The following FGF4 variants were observed in gnomAD, a reference collection of about 807,000 sequenced individuals.
FGF4 encodes the protein fibroblast growth factor 4, also known as heparin secretory transforming protein 1.
In FGF4, 9 loss-of-function variants were observed where a neutral mutation model predicts 15.7. The ratio of observed to expected loss-of-function variants is 0.57; its 90% CI spans 0.35 to 1.00. FGF4 has a LOEUF of 1.00. Among genes scored for constraint, FGF4 ranks in the 50% least tolerant of loss-of-function variants. The probability of loss-of-function intolerance (pLI) is 0.02; values close to 1 mark genes in which losing one functional copy is unlikely to be tolerated. For synonymous variants in FGF4, 164 were observed against 144.8 expected, an observed-to-expected ratio of 1.13 and a Z score of -0.95; for missense variants, 286 against 297.3, an observed-to-expected ratio of 0.96 and a Z score of 0.28.
In FGF4 at chr11:69,774,958, G is replaced by A; in HGVS notation, c.127C>T (p.Leu43=). The change falls in exon 1 of 3, where the codon CTG becomes TTG. Residue 43 remains leucine, a synonymous_variant. Coordinates refer to ENST00000168712, the MANE Select transcript of FGF4 (RefSeq NM_002007.4). ...TAPNGTLEAE[L]ERRWESLVAL... is the part of the protein sequence containing the mutation. ...ACCAGGCTCTCCCAGCGGCGCTCCA[G>A]CTCGGCCTCCAGCGTGCCGTTGGGT... is the stretch of plus-strand genomic sequence containing the variant. The A allele has an allele frequency of 6.8e-7, 1 of 1,476,264 alleles. No individual in the cohort carries two copies. Among genetic ancestry groups the A allele is most frequent in the Non-Finnish European group, 8.9e-7 (1 of 1,121,364 alleles). The allele number at this position is 1,476,264 out of a possible 1,614,324, so 91.4% of individuals were successfully genotyped here.
Position 69,771,660 on chromosome 11 carries a change from AG to A in FGF4, c.*1648del, listed in dbSNP as rs1855570125. 6.6e-6 allele frequency: 1 copy of A among 152,232 alleles called. No homozygotes were observed. The highest frequency in any genetic ancestry group is 1.5e-5 in the Non-Finnish European group (1 of 68,040). 9.4% of individuals were successfully genotyped at this position (152,232 alleles called of 1,614,324 possible). On this transcript the variant is annotated 3_prime_UTR_variant, in exon 3 of 3. Coordinates refer to ENST00000168712, the MANE Select transcript of FGF4 (RefSeq NM_002007.4). ...TTTCTTCCAGGCCTTGGTTAAGAAT[AG>A]TATTTTAAGTCGATGATTTGCATTC...
chr11:69,775,200 C>A lies in FGF4; in HGVS notation c.-116G>T. Reference sequence around the variant, plus strand: ...ACGGCCGACCTCGGGCAGGAGTGCGCAACCGAGGAGGTGCGGGAGGCAAGC... The same window carrying A: ...ACGGCCGACCTCGGGCAGGAGTGCGAAACCGAGGAGGTGCGGGAGGCAAGC... On this transcript the variant is annotated 5_prime_UTR_variant, in exon 1 of 3. Transcript: ENST00000168712. The A allele has an allele frequency of 1.5e-6, 1 of 667,078 alleles. No individual in the cohort carries two copies. Among genetic ancestry groups the A allele is most frequent in the Non-Finnish European group, 2.1e-6 (1 of 472,018 alleles). 41.3% of individuals were successfully genotyped at this position (667,078 alleles called of 1,614,324 possible). A position where few individuals can be genotyped will look rare whatever the true frequency, so the allele number is the denominator to read the frequency against.
chr11:69,775,019 G>A lies in FGF4; in HGVS notation c.66C>T (p.Pro22=), dbSNP rs1256482474. The A allele has an allele frequency of 2.1e-6, 3 of 1,439,800 alleles. No homozygotes were observed. In the Admixed American group the frequency reaches 8.2e-5, roughly 39 times the overall value. 89.2% of individuals were successfully genotyped at this position (1,439,800 alleles called of 1,614,324 possible). A position where few individuals can be genotyped will look rare whatever the true frequency, so the allele number is the denominator to read the frequency against. The change falls in exon 1 of 3, where the codon CCC becomes CCT. Residue 22 remains proline, a synonymous_variant. Transcript: ENST00000168712. Reference sequence around the variant, plus strand: ...CGGCGGCGCCCCCTCGGCCCGCCCAGGGCGCCAGCAAGGCCAGCAGGACCG... The same window carrying A: ...CGGCGGCGCCCCCTCGGCCCGCCCAAGGCGCCAGCAAGGCCAGCAGGACCG... ...LPAVLLALLA[P]WAGRGGAAAP... is the part of the protein sequence containing the mutation.
rs1855628556 is a variant in FGF4, at chr11:69,775,241, C to CGCCGGGCTCTACCCCGGCT, written c.-176_-158dup. ...GGAGGCAAGCGACGGGGCCCCCGGG[C>CGCCGGGCTCTACCCCGGCT]GCCGGGCTCTACCCCGGCTGCATGG... On this transcript the variant is annotated 5_prime_UTR_variant, in exon 1 of 3. Coordinates refer to ENST00000168712, the MANE Select transcript of FGF4 (RefSeq NM_002007.4). 1 of 452,674 alleles carries CGCCGGGCTCTACCCCGGCT rather than the reference C, an allele frequency of 2.2e-6. No individual in the cohort carries two copies. Among genetic ancestry groups the CGCCGGGCTCTACCCCGGCT allele is most frequent in the African/African-American group, 2.0e-5 (1 of 49,194 alleles). 28.0% of individuals were successfully genotyped at this position (452,674 alleles called of 1,614,324 possible).
rs1855571249 is a variant in FGF4 at position 69,771,756 on chromosome 11, T to C, written c.*1553A>G. On this transcript the variant is annotated 3_prime_UTR_variant, in exon 3 of 3. Transcript: ENST00000168712. ...TCAGATTTTCCAGTCTTGCTGTCTG[T>C]AGACTCCCATAAAGTTAATTCGGGA... The C allele has an allele frequency of 6.6e-6, 1 of 152,218 alleles. No individual in the cohort carries two copies. The highest frequency in any genetic ancestry group is 1.5e-5 in the Non-Finnish European group (1 of 68,046). The allele number at this position is 152,218 out of a possible 1,614,324, so 9.4% of individuals were successfully genotyped here.
Position 69,774,773 on chromosome 11 carries a change from G to A in FGF4, c.312C>T (p.Ile104=). 1 of 1,511,196 alleles carries A rather than the reference G, an allele frequency of 6.6e-7. No individual in the cohort carries two copies. The highest frequency in any genetic ancestry group is 8.8e-7 in the Non-Finnish European group (1 of 1,140,302). 93.6% of individuals were successfully genotyped at this position (1,511,196 alleles called of 1,614,324 possible). Residue 104 remains isoleucine (I), a synonymous_variant, in exon 1 of 3, where the codon ATC becomes ATT. Coordinates refer to ENST00000168712, the MANE Select transcript of FGF4 (RefSeq NM_002007.4). ...FHLQALPDGR[I]GGAHADTRDS... ...CGCGGGTGTCCGCGTGCGCGCCGCCGATGCGGCCGTCGGGGAGCGCCTGGA... is the reference window on the plus strand; with the variant it reads ...CGCGGGTGTCCGCGTGCGCGCCGCCAATGCGGCCGTCGGGGAGCGCCTGGA...
chr11:69,774,461 C>T (rs576710722), intron 1 of FGF4, among the ~76,000 whole-genome samples: 2 of 152,316 alleles, frequency 1.3e-5, no homozygotes, highest in Non-Finnish European at 2.9e-5. Flanking sequence ...GGCTGCACCG[C>T]GCGCCCTGTG....
chr11:69,773,658 C>A (rs982623064), intron 2 of FGF4, among the ~76,000 whole-genome samples, 173 bp from the exon 3 acceptor site: 3 of 151,760 alleles, frequency 2.0e-5, no homozygotes, highest in African/African-American at 7.2e-5. Context: ...ACATGGCCAG[C>A]CCACAACAGC....
chr11:69,772,840 C>T lies in FGF4; in HGVS notation c.*469G>A, dbSNP rs917466902. ...TGTCCCGATTAATAGCAACAGGGCA[C>T]AAAGGGAGTGGGCCTCTGAGGATGC... On this transcript the variant is annotated 3_prime_UTR_variant, in exon 3 of 3. Transcript: ENST00000168712. 1 of 186,518 alleles carries T rather than the reference C, an allele frequency of 5.4e-6. No homozygotes were observed. Among genetic ancestry groups the T allele is most frequent in the South Asian group, 1.7e-4 (1 of 5,912 alleles). The allele number at this position is 186,518 out of a possible 1,614,324, so 11.6% of individuals were successfully genotyped here.
At position 69,771,181 on chromosome 11, in the gene FGF4, TAC is replaced by T. The variant is rs1565102955; in HGVS notation, c.*2126_*2127del. ...ACGAGGGTCGGCACCTGTATAAAAC[TAC>T]AGATTCTGAAAACAGTGGCACATAC... On this transcript the variant is annotated 3_prime_UTR_variant, in exon 3 of 3. Transcript: ENST00000168712. The T allele has an allele frequency of 6.6e-6, 1 of 152,204 alleles. No individual in the cohort carries two copies. The allele number at this position is 152,204 out of a possible 1,614,324, so 9.4% of individuals were successfully genotyped here. A position where few individuals can be genotyped will look rare whatever the true frequency, so the allele number is the denominator to read the frequency against.
In FGF4 at chr11:69,773,107, T is replaced by G; in HGVS notation, c.*202A>C. 1 of 479,108 alleles carries G rather than the reference T, an allele frequency of 2.1e-6. No individual in the cohort carries two copies. The highest frequency in any genetic ancestry group is 3.2e-5 in the East Asian group (1 of 31,612). The allele number at this position is 479,108 out of a possible 1,614,324, so 29.7% of individuals were successfully genotyped here. A position where few individuals can be genotyped will look rare whatever the true frequency, so the allele number is the denominator to read the frequency against. On this transcript the variant is annotated 3_prime_UTR_variant, in exon 3 of 3. Transcript: ENST00000168712. ...AGAGTTGGTTTTTTGTTTTGTCTTT[T>G]TTTCCCCCCAGAAAATTAAAAAACA...
intron 2 of FGF4, 28 bp from the exon 3 acceptor site, chr11:69,773,513 C>T: frequency 1.2e-6 from 2 of 1,612,840 alleles, no homozygotes; most frequent in East Asian, 2.2e-5. Context: ...AGTGTCAGGG[C>T]TGGGGCACCT....
intron 2 of FGF4, 91 bp from the exon 3 acceptor site, chr11:69,773,576 A>T: frequency 9.2e-7 from 1 of 1,086,932 alleles, no homozygotes; most frequent in Non-Finnish European, 1.4e-6. Context: ...CTTCTGTCCC[A>T]CCCCCCACCC....
In FGF4 at chr11:69,773,199, T is replaced by G; in HGVS notation, c.*110A>C. On this transcript the variant is annotated 3_prime_UTR_variant, in exon 3 of 3. Coordinates refer to ENST00000168712, the MANE Select transcript of FGF4 (RefSeq NM_002007.4). ...ATTTAAATAATTAATTTAAATATCTTACACCTACTCTTGCATTAAACTCTT... is the reference window on the plus strand; with the variant it reads ...ATTTAAATAATTAATTTAAATATCTGACACCTACTCTTGCATTAAACTCTT... The G allele has an allele frequency of 1.3e-6, 1 of 759,320 alleles. No individual in the cohort carries two copies. Among genetic ancestry groups the G allele is most frequent in the East Asian group, 2.7e-5 (1 of 37,608 alleles). 47.0% of individuals were successfully genotyped at this position (759,320 alleles called of 1,614,324 possible).
Position 69,774,045 on chromosome 11 carries a change from G to C in FGF4, c.423C>G (p.Ser141Arg). 6.2e-7 allele frequency: 1 copy of C among 1,613,102 alleles called. No individual in the cohort carries two copies. Among genetic ancestry groups the C allele is most frequent in the Non-Finnish European group, 8.5e-7 (1 of 1,179,886 alleles). Residue 141 changes from serine to arginine, a missense_variant, in exon 2 of 3, where the codon AGC becomes AGG. Physicochemically the swap from Ser to Arg is moderately radical, Grantham distance 110. Coordinates refer to ENST00000168712, the MANE Select transcript of FGF4 (RefSeq NM_002007.4). ...VASRFFVAMS[S>R]KGKLYGSPFF... ...TCACCGAGCCATAGAGCTTGCCCTT[G>C]CTGCTCATGGCCACGAAGAACCGGC...
In FGF4 at chr11:69,772,984, CT is replaced by C. The variant is rs575981447; in HGVS notation, c.*324del. ...GGATGACATCGGAATCCAATGTCAC[CT>C]TTTTTTAAAACACAGAATAGCAGCA... is the stretch of plus-strand genomic sequence containing the variant. On this transcript the variant is annotated 3_prime_UTR_variant, in exon 3 of 3. Transcript: ENST00000168712. 1.7e-5 allele frequency: 5 copies of C among 289,534 alleles called. No homozygotes were observed. Among genetic ancestry groups the C allele is most frequent in the East Asian group, 1.1e-4 (2 of 18,050 alleles). The allele number at this position is 289,534 out of a possible 1,614,324, so 17.9% of individuals were successfully genotyped here.
rs576587879 is a variant in FGF4, at chr11:69,773,135, C to A, written c.*174G>T. On this transcript the variant is annotated 3_prime_UTR_variant, in exon 3 of 3. Coordinates refer to ENST00000168712, the MANE Select transcript of FGF4 (RefSeq NM_002007.4). ...TCCCCCCAGAAAATTAAAAAACACA[C>A]CCGCAGAACTATAAATAATTTGGTG... 21 of 530,920 alleles carry A rather than the reference C, an allele frequency of 4.0e-5. No individual in the cohort carries two copies. The South Asian group carries it at 7.6e-4, about 19-fold the overall frequency. 32.9% of individuals were successfully genotyped at this position (530,920 alleles called of 1,614,324 possible).
chr11:69,773,910 G>A, intron 2 of FGF4, 114 bp downstream of exon 2: 1 of 804,418 alleles, frequency 1.2e-6, no homozygotes, highest in South Asian at 1.8e-5. Context: ...GTGACCTGGT[G>A]ACCCTGCCAC....
Position 69,772,844 on chromosome 11 carries a change from G to C in FGF4, c.*465C>G. ...CCGATTAATAGCAACAGGGCACAAA[G>C]GGAGTGGGCCTCTGAGGATGCTAGC... is the stretch of plus-strand genomic sequence containing the variant. On this transcript the variant is annotated 3_prime_UTR_variant, in exon 3 of 3. Transcript: ENST00000168712. 1 of 188,126 alleles carries C rather than the reference G, an allele frequency of 5.3e-6. No individual in the cohort carries two copies. The highest frequency in any genetic ancestry group is 1.1e-5 in the Non-Finnish European group (1 of 89,208). 11.7% of individuals were successfully genotyped at this position (188,126 alleles called of 1,614,324 possible). A position where few individuals can be genotyped will look rare whatever the true frequency, so the allele number is the denominator to read the frequency against.
Sources: gnomAD v4.1 joint callset for allele counts (sites outside exome capture counted in the v4.1 genomes callset) on GRCh38, gnomAD v4.1.1 for gene constraint, MANE v1.5 for transcripts, NCBI Gene and HGNC (gene_info 2026-07-23, HGNC 2026-07-21) for gene names.